The following HS6ST3 variants were observed in gnomAD, a reference collection of about 807,000 sequenced individuals.
HS6ST3 encodes the protein heparan sulfate 6-O-sulfotransferase 3.
In HS6ST3, 12 loss-of-function variants were observed where a neutral mutation model predicts 36.7. The observed-to-expected ratio is 0.33, with a 90% CI of 0.21 to 0.53. The LOEUF (loss-of-function observed/expected upper bound fraction) is 0.53. Ranked by LOEUF, HS6ST3 falls within the 20% of genes least tolerant of loss-of-function variation. The pLI, the probability that HS6ST3 is intolerant of heterozygous loss-of-function variation, is 0.95. For synonymous variants in HS6ST3, 240 were observed against 257.5 expected, an observed-to-expected ratio of 0.93 and a Z score of 0.65; for missense variants, 584 against 640.9, an observed-to-expected ratio of 0.91 and a Z score of 0.96.
intron 1 of HS6ST3, among the ~76,000 whole-genome samples, chr13:96,299,757 C>T (rs555916178): frequency 6.6e-6 from 1 of 152,090 alleles, no homozygotes; most frequent in Non-Finnish European, 1.5e-5. Flanking sequence ...GTGACATTGG[C>T]GTTTTGAAGG....
chr13:96,827,281 T>C (rs1181891121), intron 1 of HS6ST3, among the ~76,000 whole-genome samples: 2 of 152,166 alleles, frequency 1.3e-5, no homozygotes, highest in East Asian at 1.9e-4. Flanking sequence ...AACAGACAGA[T>C]TGAAGGTGGG....
intron 1 of HS6ST3, among the ~76,000 whole-genome samples, chr13:96,309,359 T>C (rs2054929329): frequency 6.6e-6 from 1 of 152,110 alleles, no homozygotes; most frequent in Non-Finnish European, 1.5e-5. Flanking sequence ...TAAAAATGAC[T>C]TGGTTTCTGA....
At chr13:96,196,725 G>A (rs1484082442) in intron 1 of HS6ST3, among the ~76,000 whole-genome samples, 1 of 152,182 alleles carries the variant, frequency 6.6e-6, no homozygotes, top group Admixed American at 6.5e-5. Context: ...GTGGGCAGCA[G>A]CAACCACGGA....
At chr13:96,094,171 T>C (rs1403846504) in intron 1 of HS6ST3, among the ~76,000 whole-genome samples, 1 of 152,216 alleles carries the variant, frequency 6.6e-6, no homozygotes, top group African/African-American at 2.4e-5. Context: ...TCTCAGTTTC[T>C]TCACTTTTAA....
intron 1 of HS6ST3, among the ~76,000 whole-genome samples, chr13:96,687,153 C>A (rs1464113033): frequency 3.3e-5 from 5 of 150,202 alleles, no homozygotes; most frequent in Non-Finnish European, 7.4e-5. Flanking sequence ...TTTATTATAA[C>A]AAATATACAA....
chr13:96,262,141 A>G (rs1415748693), intron 1 of HS6ST3, among the ~76,000 whole-genome samples: 1 of 152,206 alleles, frequency 6.6e-6, no homozygotes, highest in African/African-American at 2.4e-5. Flanking sequence ...ACATCATCAC[A>G]ACTAGGTATC....
chr13:96,436,220 T>C (rs1256695953), intron 1 of HS6ST3, among the ~76,000 whole-genome samples: 1 of 152,204 alleles, frequency 6.6e-6, no homozygotes, highest in Non-Finnish European at 1.5e-5. Context: ...ATTTCATCAG[T>C]CCTATAGAGG....
At chr13:96,327,501 G>A (rs1434101357) in intron 1 of HS6ST3, among the ~76,000 whole-genome samples, 14 of 151,944 alleles carry the variant, frequency 9.2e-5, no homozygotes, top group East Asian at 1.9e-4. Context: ...GATATGTGGC[G>A]TTATTTCTGA....
At chr13:96,216,899 G>A (rs953285600) in intron 1 of HS6ST3, among the ~76,000 whole-genome samples, 1 of 152,160 alleles carries the variant, frequency 6.6e-6, no homozygotes, top group Non-Finnish European at 1.5e-5. Flanking sequence ...AAGAAAACCC[G>A]AGAAGCACAG....
At chr13:96,574,741 G>A (rs761031311) in intron 1 of HS6ST3, among the ~76,000 whole-genome samples, 50 of 152,258 alleles carry the variant, frequency 3.3e-4, no homozygotes, top group Admixed American at 3.0e-3. Flanking sequence ...CTGGTGGACT[G>A]GGGCTCCTCC....
intron 1 of HS6ST3, among the ~76,000 whole-genome samples, chr13:96,653,395 T>C (rs2056614260): frequency 6.6e-6 from 1 of 152,084 alleles, no homozygotes; most frequent in Non-Finnish European, 1.5e-5. Context: ...GTGTGTGTTG[T>C]TCCCCTCCTT....
chr13:96,702,414 T>C (rs1875313718), intron 1 of HS6ST3, among the ~76,000 whole-genome samples: 1 of 152,224 alleles, frequency 6.6e-6, no homozygotes, highest in Admixed American at 6.5e-5. Context: ...TTCTATGTAG[T>C]ACAGTTGGCA....
chr13:96,495,844 T>C (rs894636939), intron 1 of HS6ST3, among the ~76,000 whole-genome samples: 2 of 152,220 alleles, frequency 1.3e-5, no homozygotes, highest in Non-Finnish European at 2.9e-5. Flanking sequence ...AAAATACTCA[T>C]TAATGTTTGG....
At chr13:96,222,549 T>G (rs2054461060) in intron 1 of HS6ST3, among the ~76,000 whole-genome samples, 1 of 152,256 alleles carries the variant, frequency 6.6e-6, no homozygotes, top group South Asian at 2.1e-4. Context: ...AATTGCCCAC[T>G]GAAATAACAC....
chr13:96,151,330 G>C (rs1036914116), intron 1 of HS6ST3, among the ~76,000 whole-genome samples: 4 of 151,772 alleles, frequency 2.6e-5, no homozygotes, highest in Admixed American at 6.6e-5. Flanking sequence ...TTTGAACCTG[G>C]GAGGTGGAGG....
Position 96,775,132 on chromosome 13 carries a change from TGA to T in HS6ST3, c.708-57353_708-57352del, listed in dbSNP as rs1383688051. On this transcript the variant is annotated intron_variant, in intron 1 of 1. Transcript: ENST00000376705. ...AAATCCTTTACAGACAAGCAAATGC[TGA>T]GAGATTTTGTCACTACCAGGCATGC... 2.0e-5 allele frequency among the ~76,000 whole-genome samples: 3 copies of T among 152,202 alleles called. No individual in the cohort carries two copies. The East Asian group carries it at 5.8e-4, about 29-fold the overall frequency.
At chr13:96,456,281 C>A (rs969707455) in intron 1 of HS6ST3, among the ~76,000 whole-genome samples, 6 of 151,936 alleles carry the variant, frequency 3.9e-5, no homozygotes, top group African/African-American at 1.5e-4. Flanking sequence ...GCATCTTGAC[C>A]CTTTGTGAGA....
chr13:96,498,024 G>C (rs2055985587), intron 1 of HS6ST3, among the ~76,000 whole-genome samples: 1 of 152,168 alleles, frequency 6.6e-6, no homozygotes, highest in Non-Finnish European at 1.5e-5. Context: ...TCTTCTTAGG[G>C]GAAAGGAAGA....
At chr13:96,687,081 C>T (rs1281827359) in intron 1 of HS6ST3, among the ~76,000 whole-genome samples, 1 of 52,158 alleles carries the variant, frequency 1.9e-5, no homozygotes, top group East Asian at 5.8e-4. Flanking sequence ...ACTGAAAAAG[C>T]AAGAAGTGCT....
Sources: gnomAD v4.1 joint callset for allele counts (sites outside exome capture counted in the v4.1 genomes callset) on GRCh38, gnomAD v4.1.1 for gene constraint, MANE v1.5 for transcripts, NCBI Gene and HGNC (gene_info 2026-07-23, HGNC 2026-07-21) for gene names.